The following GLCCI1 variants were observed in gnomAD, a reference collection of about 807,000 sequenced individuals.
GLCCI1 encodes the protein glucocorticoid induced 1, also known as glucocorticoid-induced transcript 1 protein.
In GLCCI1, 24 loss-of-function variants were observed where a neutral mutation model predicts 52.2. The ratio of observed to expected loss-of-function variants is 0.46; its 90% CI spans 0.33 to 0.65. The LOEUF (loss-of-function observed/expected upper bound fraction) is 0.65. Ranked by LOEUF, GLCCI1 falls within the 30% of genes least tolerant of loss-of-function variation. GLCCI1 has a pLI of 0.02. For synonymous variants in GLCCI1, 310 were observed against 276.5 expected (o/e 1.12, Z -1.20); for missense variants, 704 against 701.5 (o/e 1.00, Z -0.04).
At chr7:7,981,276 CTTT>C (rs1562415205) in intron 1 of GLCCI1, 6 of 248,490 alleles carry the variant, frequency 2.4e-5, no homozygotes, top group African/African-American at 7.2e-5. Context: ...TTCTTTCTTT[CTTT>C]CTTTCTCTCT....
intron 6 of GLCCI1, among the ~76,000 whole-genome samples, chr7:8,072,600 G>GTGTT (rs765983289): frequency 2.6e-4 from 39 of 152,142 alleles, no homozygotes; most frequent in Non-Finnish European, 5.3e-4. Context: ...TCCAGTAGGA[G>GTGTT]TGTTTGTTTT....
intron 3 of GLCCI1, among the ~76,000 whole-genome samples, chr7:8,044,649 G>T (rs187427704): frequency 3.3e-5 from 5 of 152,292 alleles, no homozygotes; most frequent in Admixed American, 2.6e-4. Flanking sequence ...AAAATTACAG[G>T]TGTGGGCCAC....
chr7:7,983,070 C>T (rs532867239), intron 1 of GLCCI1, among the ~76,000 whole-genome samples: 8 of 152,188 alleles, frequency 5.3e-5, no homozygotes, highest in South Asian at 2.1e-4. Context: ...TGTCTTTATG[C>T]GGATATTCCT....
chr7:8,060,880 T>C (rs958869017), intron 5 of GLCCI1, among the ~76,000 whole-genome samples: 2 of 152,198 alleles, frequency 1.3e-5, no homozygotes, highest in Non-Finnish European at 2.9e-5. Flanking sequence ...GTTTAACTTT[T>C]TGAGGAACTG....
chr7:8,081,194 C>G (rs971427190), intron 6 of GLCCI1, among the ~76,000 whole-genome samples: 1 of 152,128 alleles, frequency 6.6e-6, no homozygotes, highest in East Asian at 1.9e-4. Flanking sequence ...CTTTACCCCC[C>G]ACCTCCCTAC....
At chr7:8,065,295 G>C (rs1215633663) in intron 5 of GLCCI1, among the ~76,000 whole-genome samples, 9 of 152,164 alleles carry the variant, frequency 5.9e-5, no homozygotes, top group Admixed American at 5.9e-4. Context: ...AGATCAAGGA[G>C]CTTTTGGGTA....
At position 7,969,968 on chromosome 7, in the gene GLCCI1, G is replaced by A. The variant is rs1780307675; in HGVS notation, c.457+161G>A. ...CCCTGCGGTCGCTGTGGGGCTTGGA[G>A]GAGCGAACTGAAAAGCGACTTTTAT... On this transcript the variant is annotated intron_variant, in intron 1 of 7. Transcript: ENST00000223145. This position sits in a 1 kb window ranked among gnomAD's most constrained non-coding sequence, Gnocchi z 4.9. 9.9e-7 allele frequency: 1 copy of A among 1,005,476 alleles called. No individual in the cohort carries two copies. Among genetic ancestry groups the A allele is most frequent in the Non-Finnish European group, 1.2e-6 (1 of 813,034 alleles). The allele number at this position is 1,005,476 out of a possible 1,614,324, so 62.3% of individuals were successfully genotyped here.
intron 3 of GLCCI1, among the ~76,000 whole-genome samples, chr7:8,037,673 T>C (rs1258403977): frequency 6.6e-6 from 1 of 151,922 alleles, no homozygotes; most frequent in Non-Finnish European, 1.5e-5. Context: ...TAAAGACACG[T>C]AAAGACTCAA....
intron 2 of GLCCI1, among the ~76,000 whole-genome samples, chr7:8,007,628 A>C (rs1781182329): frequency 6.6e-6 from 1 of 152,152 alleles, no homozygotes; most frequent in African/African-American, 2.4e-5. Context: ...GGGTGGGAAG[A>C]ACTTGTTTTA....
intron 6 of GLCCI1, among the ~76,000 whole-genome samples, chr7:8,083,570 G>A (rs765262662): frequency 6.6e-6 from 1 of 152,120 alleles, no homozygotes; most frequent in Non-Finnish European, 1.5e-5. Flanking sequence ...TCTCAAATCT[G>A]AATGGTATAT....
In GLCCI1 at chr7:8,079,761, A is replaced by G. The variant is rs113281221; in HGVS notation, c.1178-5136A>G. ...TTACAAAATATAAAATACCTCCTAC[A>G]TATAATAAATATATAATTAATGGGC... On this transcript the variant is annotated intron_variant, in intron 6 of 7. Transcript: ENST00000223145. Among the ~76,000 whole-genome samples, 43 of 151,516 alleles carry G rather than the reference A, an allele frequency of 2.8e-4. 3 individuals are homozygous for G. The highest frequency in any genetic ancestry group is 9.8e-4 in the African/African-American group (40 of 40,836).
chr7:8,008,659 A>G (rs185107592), intron 2 of GLCCI1, among the ~76,000 whole-genome samples: 147 of 152,324 alleles, frequency 9.7e-4, no homozygotes, highest in Non-Finnish European at 1.6e-3. Flanking sequence ...AACTTACCCA[A>G]GTGTACACTT....
intron 1 of GLCCI1, among the ~76,000 whole-genome samples, chr7:7,990,094 G>A (rs1030946723): frequency 3.9e-5 from 6 of 152,044 alleles, no homozygotes; most frequent in Admixed American, 3.3e-4. Context: ...GTGTGGTTTT[G>A]TTTTCCTCCT....
At chr7:8,019,439 C>G (rs1007809489) in intron 2 of GLCCI1, among the ~76,000 whole-genome samples, 2 of 152,098 alleles carry the variant, frequency 1.3e-5, no homozygotes, top group Non-Finnish European at 2.9e-5. Context: ...TAAAACTACT[C>G]TTTGGGGGAT....
At chr7:7,989,879 A>C (rs1780804850) in intron 1 of GLCCI1, among the ~76,000 whole-genome samples, 1 of 152,122 alleles carries the variant, frequency 6.6e-6, no homozygotes, top group Non-Finnish European at 1.5e-5. Flanking sequence ...AAAATAGCTG[A>C]GATATAGGTG....
At chr7:8,022,732 T>C in intron 3 of GLCCI1, 163 bp downstream of exon 3, 1 of 310,482 alleles carries the variant, frequency 3.2e-6, no homozygotes, top group Non-Finnish European at 5.8e-6. Context: ...CTAGGCAGGT[T>C]TTTGTAAGGT....
rs138924920 is a variant in GLCCI1 at position 8,023,892 on chromosome 7, C to T, written c.696+1323C>T. ...GAGATTACAGGCATGAACCACCACACCAGGCCATGATCATTCTTAGTGATG... is the reference window on the plus strand; with the variant it reads ...GAGATTACAGGCATGAACCACCACATCAGGCCATGATCATTCTTAGTGATG... On this transcript the variant is annotated intron_variant, in intron 3 of 7. Coordinates refer to ENST00000223145, the MANE Select transcript of GLCCI1 (RefSeq NM_138426.4). Among the ~76,000 whole-genome samples the T allele has an allele frequency of 7.2e-5, 11 of 152,176 alleles. 1 individual carries two copies. In the East Asian group the frequency reaches 1.9e-3, roughly 27 times the overall value.
At chr7:8,024,886 T>G (rs1781579731) in intron 3 of GLCCI1, 1 of 152,278 alleles carries the variant, frequency 6.6e-6, no homozygotes, top group Admixed American at 6.5e-5. Flanking sequence ...CTCTGTCGCA[T>G]AGCATTTCAG....
chr7:8,023,123 C>T (rs1335875624), intron 3 of GLCCI1, among the ~76,000 whole-genome samples: 5 of 152,198 alleles, frequency 3.3e-5, no homozygotes, highest in African/African-American at 1.2e-4. Flanking sequence ...TCACGCCATT[C>T]TCCTGCCTCA....
Sources: gnomAD v4.1 joint callset for allele counts (sites outside exome capture counted in the v4.1 genomes callset) on GRCh38, gnomAD v4.1.1 for gene constraint, Gnocchi (gnomAD v3.1) non-coding constraint, MANE v1.5 for transcripts, NCBI Gene and HGNC (gene_info 2026-07-23, HGNC 2026-07-21) for gene names.